HSDL2: variants seen among roughly 807,000 people sequenced by gnomAD.
The protein encoded by HSDL2 is hydroxysteroid dehydrogenase-like protein 2.
In HSDL2, 27 loss-of-function variants were observed where a neutral mutation model predicts 46.3. That is an observed-to-expected ratio of 0.58 (90% CI 0.43 to 0.80). The LOEUF is 0.80. Ranked by LOEUF, HSDL2 falls within the 30% of genes least tolerant of loss-of-function variation. The probability of loss-of-function intolerance (pLI) is 0.00; values close to 1 mark genes in which losing one functional copy is unlikely to be tolerated. For missense variants in HSDL2, 451 were observed against 502.7 expected (o/e 0.90, Z 0.98); for synonymous variants, 153 against 163.6 (o/e 0.94, Z 0.50).
At chr9:112,382,191 C>G (rs188355856) in intron 1 of HSDL2, among the ~76,000 whole-genome samples, 1 of 152,164 alleles carries the variant, frequency 6.6e-6, no homozygotes, top group Non-Finnish European at 1.5e-5. Flanking sequence ...AACCTGGAGG[C>G]GGAGGTGGCA....
intron 9 of HSDL2, among the ~76,000 whole-genome samples, chr9:112,456,450 T>C (rs7030416): frequency 0.96 from 145,524 of 152,268 alleles, 69,605 homozygotes; most frequent in African/African-American, 0.98. Context: ...AAATGCTCCT[T>C]CCCCAGTCCT....
intron 9 of HSDL2, among the ~76,000 whole-genome samples, chr9:112,456,448 C>T (rs1833026343): frequency 6.6e-6 from 1 of 152,116 alleles, no homozygotes; most frequent in South Asian, 2.1e-4. Context: ...GGAAATGCTC[C>T]TTCCCCAGTC....
intron 8 of HSDL2, among the ~76,000 whole-genome samples, chr9:112,447,125 A>G (rs1374459516): frequency 6.6e-6 from 1 of 152,116 alleles, no homozygotes; most frequent in East Asian, 1.9e-4. Context: ...GTGTGTGTGC[A>G]TTTTTATATT....
chr9:112,389,199 T>A (rs892659838), intron 1 of HSDL2, among the ~76,000 whole-genome samples: 1 of 152,082 alleles, frequency 6.6e-6, no homozygotes, highest in Non-Finnish European at 1.5e-5. Context: ...GCTAATTTTT[T>A]AATTTTGTAG....
chr9:112,464,804 G>T (rs999468924), intron 10 of HSDL2, among the ~76,000 whole-genome samples: 1 of 152,098 alleles, frequency 6.6e-6, no homozygotes, highest in Non-Finnish European at 1.5e-5. Context: ...CCACCCATTA[G>T]CGGTCAACCT....
At chr9:112,449,785 A>AT (rs1832839324) in intron 8 of HSDL2, among the ~76,000 whole-genome samples, 1 of 151,906 alleles carries the variant, frequency 6.6e-6, no homozygotes, top group Non-Finnish European at 1.5e-5. Flanking sequence ...GTGAGCCAAA[A>AT]TCATGTCACT....
At chr9:112,411,981 C>T (rs961041725) in intron 4 of HSDL2, among the ~76,000 whole-genome samples, 14 of 152,288 alleles carry the variant, frequency 9.2e-5, no homozygotes, top group Non-Finnish European at 1.8e-4. Flanking sequence ...TTAATGATTT[C>T]TGGCAGTTTC....
chr9:112,426,317 C>T (rs1832245170), intron 6 of HSDL2, among the ~76,000 whole-genome samples: 1 of 150,006 alleles, frequency 6.7e-6, no homozygotes, highest in Non-Finnish European at 1.5e-5. Context: ...CTCACTGTAA[C>T]CTCTGTCTCC....
chr9:112,435,299 T>TC (rs1445742309), intron 6 of HSDL2, among the ~76,000 whole-genome samples: 4 of 152,112 alleles, frequency 2.6e-5, no homozygotes, highest in Non-Finnish European at 4.4e-5. Flanking sequence ...TTAGAGTTTT[T>TC]AAGGATTCTT....
In HSDL2 at chr9:112,454,102, G is replaced by A; in HGVS notation, c.955G>A (p.Asp319Asn). 1 of 1,613,956 alleles carries A rather than the reference G, an allele frequency of 6.2e-7. No individual in the cohort carries two copies. The highest frequency in any genetic ancestry group is 8.5e-7 in the Non-Finnish European group (1 of 1,179,870). Reference protein sequence around the residue: ...AVEETFRIVKDSLSDDVVKAT... With the variant: ...AVEETFRIVKNSLSDDVVKAT... ...GGAAGAAACATTTAGAATTGTTAAG[G>A]ACTCTCTCAGTGATGATGTTGTTAA... Residue 319 changes from aspartate (D) to asparagine (N), a missense_variant, in exon 9 of 11, where the codon GAC (aspartate) becomes AAC (asparagine). Transcript: ENST00000398805.
At chr9:112,450,643 G>A (rs1161631923) in intron 8 of HSDL2, among the ~76,000 whole-genome samples, 24 of 75,542 alleles carry the variant, frequency 3.2e-4, no homozygotes, top group Admixed American at 7.5e-4. Context: ...AAAAAAAAAA[G>A]TATAGAACAG....
At chr9:112,412,311 A>T (rs1831889959) in intron 4 of HSDL2, among the ~76,000 whole-genome samples, 1 of 152,214 alleles carries the variant, frequency 6.6e-6, no homozygotes, top group Non-Finnish European at 1.5e-5. Context: ...TCATGACATG[A>T]AATGACTTCC....
intron 6 of HSDL2, among the ~76,000 whole-genome samples, chr9:112,424,709 G>C (rs1482082603): frequency 1.3e-5 from 2 of 151,840 alleles, no homozygotes; most frequent in Non-Finnish European, 2.9e-5. Flanking sequence ...TGGTGTTAGG[G>C]ATGCTGGCTC....
At chr9:112,415,324 C>T (rs577150256) in intron 4 of HSDL2, among the ~76,000 whole-genome samples, 42 of 152,176 alleles carry the variant, frequency 2.8e-4, no homozygotes, top group Admixed American at 2.3e-3. Flanking sequence ...CTAACAACAG[C>T]GATTGTTTAT....
intron 8 of HSDL2, among the ~76,000 whole-genome samples, chr9:112,445,511 G>GTT (rs113603259): frequency 9.8e-4 from 144 of 146,628 alleles, no homozygotes; most frequent in African/African-American, 3.5e-3. Context: ...GTTTCATATA[G>GTT]TTTTTTTTTT....
At chr9:112,435,330 A>T (rs1480281010) in intron 6 of HSDL2, among the ~76,000 whole-genome samples, 1 of 152,194 alleles carries the variant, frequency 6.6e-6, no homozygotes, top group East Asian at 1.9e-4. Context: ...TGTAGTTTAC[A>T]TGGAGACTAG....
intron 6 of HSDL2, chr9:112,434,156 A>G (rs1389300987): frequency 6.6e-6 from 1 of 152,212 alleles, no homozygotes; most frequent in Non-Finnish European, 1.5e-5. Context: ...GATGGCTGCT[A>G]TTCACAATGC....
intron 1 of HSDL2, among the ~76,000 whole-genome samples, chr9:112,397,026 A>C (rs1195828947): frequency 1.3e-5 from 2 of 152,302 alleles, no homozygotes; most frequent in East Asian, 3.9e-4. Context: ...CAGACTTAGA[A>C]CGGCAAGTAC....
intron 10 of HSDL2, among the ~76,000 whole-genome samples, chr9:112,463,570 G>T (rs1833278139): frequency 1.3e-5 from 2 of 152,136 alleles, no homozygotes. Context: ...GCAGAGCAGG[G>T]TTAACTCATA....
Sources: gnomAD v4.1 joint callset for allele counts (sites outside exome capture counted in the v4.1 genomes callset) on GRCh38, gnomAD v4.1.1 for gene constraint, MANE v1.5 for transcripts, NCBI Gene and HGNC (gene_info 2026-07-23, HGNC 2026-07-21) for gene names.